The following HOXD11 variants were observed in gnomAD, a reference collection of about 807,000 sequenced individuals.
HOXD11 encodes homeobox protein Hox-D11.
In HOXD11, 16 loss-of-function variants were observed where a neutral mutation model predicts 23.1. The observed-to-expected ratio is 0.69, with a 90% confidence interval of 0.47 to 1.05. HOXD11 has a LOEUF of 1.05. HOXD11 is among the 50% of genes least tolerant of loss of function. The pLI, the probability that HOXD11 is intolerant of heterozygous loss-of-function variation, is 0.00. For synonymous variants in HOXD11, 262 were observed against 224.4 expected, an observed-to-expected ratio of 1.17 and a Z score of -1.50; for missense variants, 564 against 495.6, an observed-to-expected ratio of 1.14 and a Z score of -1.31.
Position 176,108,649 on chromosome 2 carries a change from G to C in HOXD11, c.782-258G>C, listed in dbSNP as rs1689624396. ...CCTTGCCCTCTGCTTCCCCACCTCC[G>C]TGCCAGGCTCTGTGTGTGTGTGTGT... On this transcript the variant is annotated intron_variant, in intron 1 of 1. Transcript: ENST00000249504. The C allele has an allele frequency of 6.9e-6, 3 of 433,318 alleles. No individual in the cohort carries two copies. In the East Asian group the frequency reaches 1.1e-4, roughly 16 times the overall value. 26.8% of individuals were successfully genotyped at this position (433,318 alleles called of 1,614,324 possible).
chr2:176,111,826 C>CCAAAAAAAAAAAAAAA (rs1689676380), downstream of HOXD11, among the ~76,000 whole-genome samples: 1 of 22,740 alleles, frequency 4.4e-5, no homozygotes, highest in Non-Finnish European at 7.5e-5. Flanking sequence ...CTCCCCCCCG[C>CCAAAAAAAAAAAAAAA]AAAAAAAAAA....
rs1268682986 is a variant in HOXD11 at position 176,109,282 on chromosome 2, C to A, written c.*140C>A. Reference sequence around the variant, plus strand: ...TCACGATTCCTTCCCACGGTCAACTCGGGACCTCCCAGCGACCACTGCAGC... The same window carrying A: ...TCACGATTCCTTCCCACGGTCAACTAGGGACCTCCCAGCGACCACTGCAGC... On this transcript the variant is annotated 3_prime_UTR_variant, in exon 2 of 2. Transcript: ENST00000249504. 4.6e-6 allele frequency: 3 copies of A among 645,614 alleles called. No individual in the cohort carries two copies. Among genetic ancestry groups the A allele is most frequent in the Non-Finnish European group, 8.2e-6 (3 of 364,658 alleles). The allele number at this position is 645,614 out of a possible 1,614,324, so 40.0% of individuals were successfully genotyped here.
downstream of HOXD11, chr2:176,111,588 A>C (rs1004101007): frequency 6.6e-6 from 1 of 151,252 alleles, no homozygotes; most frequent in Non-Finnish European, 1.5e-5. Flanking sequence ...AAACGGAGCA[A>C]CTAGATTCAC....
Position 176,109,451 on chromosome 2 carries a change from G to A in HOXD11, c.*309G>A. On this transcript the variant is annotated 3_prime_UTR_variant, in exon 2 of 2. Transcript: ENST00000249504. ...TCCTCGTGGGGACACGGCGGGGTCT[G>A]TAGGAAGTTGGGCCGGGTTGGGGGT... 1 of 345,694 alleles carries A rather than the reference G, an allele frequency of 2.9e-6. No individual in the cohort carries two copies. The highest frequency in any genetic ancestry group is 5.3e-6 in the Non-Finnish European group (1 of 188,344). 21.4% of individuals were successfully genotyped at this position (345,694 alleles called of 1,614,324 possible).
At chr2:176,113,394 C>T (rs1278337599), downstream of HOXD11, among the ~76,000 whole-genome samples, 1 of 152,232 alleles carries the variant, frequency 6.6e-6, no homozygotes, top group African/African-American at 2.4e-5. Context: ...CTGGAAAGAA[C>T]TGTGGCAGGG....
At position 176,107,581 on chromosome 2, in the gene HOXD11, C is replaced by CGCGGCG. The variant is rs762528392; in HGVS notation, c.241_246dup (p.Gly81_Gly82dup). ...CCTGGAGCGCGCCAAGTGGCCGTAC[C>CGCGGCG]GCGGCGGCGGCGGCGGCGGCAGCGC... On this transcript the variant is annotated inframe_insertion, in exon 1 of 2. Coordinates refer to ENST00000249504, the MANE Select transcript of HOXD11 (RefSeq NM_021192.3). The CGCGGCG allele has an allele frequency of 2.6e-5, 37 of 1,401,076 alleles. No individual in the cohort carries two copies. The highest frequency in any genetic ancestry group is 3.3e-5 in the Non-Finnish European group (35 of 1,053,584). 86.8% of individuals were successfully genotyped at this position (1,401,076 alleles called of 1,614,324 possible).
rs745350034 is a variant in HOXD11 at position 176,107,826 on chromosome 2, C to A, written c.471C>A (p.Pro157=). The A allele has an allele frequency of 2.8e-6, 4 of 1,424,064 alleles. No homozygotes were observed. Among genetic ancestry groups the A allele is most frequent in the South Asian group, 1.4e-5 (1 of 71,882 alleles). The allele number at this position is 1,424,064 out of a possible 1,614,324, so 88.2% of individuals were successfully genotyped here. The change falls in exon 1 of 2, where the codon CCC becomes CCA. Residue 157 remains proline (P), a synonymous_variant. Transcript: ENST00000249504. ...VCAAPGPPHG[P]AGAASNFYSA... ...CTGCGCCGGGGCCGCCGCACGGCCC[C>A]GCGGGCGCCGCCTCCAACTTCTACA...
At chr2:176,113,242 A>T (rs1689701972), downstream of HOXD11, among the ~76,000 whole-genome samples, 1 of 152,150 alleles carries the variant, frequency 6.6e-6, no homozygotes, top group Non-Finnish European at 1.5e-5. Flanking sequence ...TCAGAACCCT[A>T]ATCCGGGGTG....
rs766418166 is a variant in HOXD11 at position 176,107,554 on chromosome 2, G to A, written c.199G>A (p.Gly67Ser). ...GCGCGAAGTGGCCTTCCGCGACTACGGCCTGGAGCGCGCCAAGTGGCCGTA... is the reference window on the plus strand; with the variant it reads ...GCGCGAAGTGGCCTTCCGCGACTACAGCCTGGAGCGCGCCAAGTGGCCGTA... ...PVREVAFRDYGLERAKWPYRG... is the reference protein window; with the variant it reads ...PVREVAFRDYSLERAKWPYRG... The change falls in exon 1 of 2, where the codon GGC (glycine) becomes AGC (serine). Residue 67 changes from glycine to serine, a missense_variant. Gly to Ser is a moderately conservative substitution (Grantham distance 56). Coordinates refer to ENST00000249504, the MANE Select transcript of HOXD11 (RefSeq NM_021192.3). The A allele has an allele frequency of 3.1e-6, 5 of 1,596,620 alleles. 1 individual carries two copies. The South Asian group carries it at 5.6e-5, about 18-fold the overall frequency.
In HOXD11 at chr2:176,107,899, T is replaced by A; in HGVS notation, c.544T>A (p.Tyr182Asn). Residue 182 changes from tyrosine to asparagine, a missense_variant, in exon 1 of 2, where the codon TAC (tyrosine) becomes AAC (asparagine). Tyr to Asn is a moderately radical substitution (Grantham distance 143, BLOSUM62 -2). Coordinates refer to ENST00000249504, the MANE Select transcript of HOXD11 (RefSeq NM_021192.3). ...GILPQGFDQF[Y>N]EAAPGPPFAG... Reference sequence around the variant, plus strand: ...CTTGCCACAGGGCTTCGACCAGTTCTACGAGGCAGCGCCCGGGCCCCCGTT... The same window carrying A: ...CTTGCCACAGGGCTTCGACCAGTTCAACGAGGCAGCGCCCGGGCCCCCGTT... 1 of 1,445,808 alleles carries A rather than the reference T, an allele frequency of 6.9e-7. No homozygotes were observed. Among genetic ancestry groups the A allele is most frequent in the Non-Finnish European group, 9.1e-7 (1 of 1,097,620 alleles). 89.6% of individuals were successfully genotyped at this position (1,445,808 alleles called of 1,614,324 possible).
In HOXD11 at chr2:176,107,724, G is replaced by T. The variant is rs1210389231; in HGVS notation, c.369G>T (p.Ala123=). 3.3e-5 allele frequency: 38 copies of T among 1,151,342 alleles called. No individual in the cohort carries two copies. Among genetic ancestry groups the T allele is most frequent in the Non-Finnish European group, 4.0e-5 (38 of 939,726 alleles). The allele number at this position is 1,151,342 out of a possible 1,614,324, so 71.3% of individuals were successfully genotyped here. The change falls in exon 1 of 2, where the codon GCG becomes GCT. Residue 123 remains alanine (A), a synonymous_variant. Coordinates refer to ENST00000249504, the MANE Select transcript of HOXD11 (RefSeq NM_021192.3). Reference sequence around the variant, plus strand: ...CGGCGGCCGCGGCGGCCGAGGAGGCGGCCATGCAACGCGAGCTTCTCCCGC... The same window carrying T: ...CGGCGGCCGCGGCGGCCGAGGAGGCTGCCATGCAACGCGAGCTTCTCCCGC... ...AAAAAAAAEE[A]AMQRELLPPA...
At chr2:176,111,840 A>AAAAAAAAAAAC (rs1553518459), downstream of HOXD11, among the ~76,000 whole-genome samples, 107 of 140,832 alleles carry the variant, frequency 7.6e-4, 2 homozygotes, top group Non-Finnish European at 1.3e-3. Flanking sequence ...AAAAAAAAAA[A>AAAAAAAAAAAC]AAAAAAAAAC....
rs1412281594 is a variant in HOXD11, at chr2:176,108,887, C to T, written c.782-20C>T. The T allele has an allele frequency of 1.3e-6, 2 of 1,580,892 alleles. No homozygotes were observed. The highest frequency in any genetic ancestry group is 1.7e-6 in the Non-Finnish European group (2 of 1,150,246). On this transcript the variant is annotated intron_variant, in intron 1 of 1. Transcript: ENST00000249504. ...GTCAGGCAGCGGCCTCTCTCACCCC[C>T]TGGTCTCTTTGCCTTGCAGTTGCCC...
chr2:176,110,750 C>T (rs977956717), downstream of HOXD11, among the ~76,000 whole-genome samples: 1 of 152,204 alleles, frequency 6.6e-6, no homozygotes, highest in African/African-American at 2.4e-5. Flanking sequence ...CATTTATGAC[C>T]ACACAAAATC....
rs2105386938 is a variant in HOXD11 at position 176,107,408 on chromosome 2, G to A, written c.53G>A (p.Gly18Asp). 3.1e-6 allele frequency: 5 copies of A among 1,613,656 alleles called. No homozygotes were observed. Among genetic ancestry groups the A allele is most frequent in the Non-Finnish European group, 4.2e-6 (5 of 1,179,840 alleles). ...GQSAASMYLP[G>D]CAYYVAPSDF... ...AGCGCAGCCAGCATGTACCTGCCGG[G>A]CTGCGCCTACTATGTGGCCCCGTCT... The change falls in exon 1 of 2, where the codon GGC becomes GAC. Residue 18 changes from glycine (G) to aspartate (D), a missense_variant. By Grantham distance (94) the Gly-to-Asp change is moderately conservative. Transcript: ENST00000249504.
Position 176,108,923 on chromosome 2 carries a change from C to T in HOXD11, c.798C>T (p.Ser266=). Residue 266 remains serine, a synonymous_variant, in exon 2 of 2, where the codon TCC becomes TCT. Transcript: ENST00000249504. ...GCCTTGCAGTTGCCCCCCAGCGGTCCCGGAAAAAGCGCTGTCCCTATACCA... is the reference window on the plus strand; with the variant it reads ...GCCTTGCAGTTGCCCCCCAGCGGTCTCGGAAAAAGCGCTGTCCCTATACCA... ...KSSSAVAPQR[S]RKKRCPYTKY... 2.5e-6 allele frequency: 4 copies of T among 1,613,772 alleles called. No homozygotes were observed. Among genetic ancestry groups the T allele is most frequent in the South Asian group, 1.1e-5 (1 of 91,062 alleles).
chr2:176,112,935 G>C (rs540635512), downstream of HOXD11, among the ~76,000 whole-genome samples: 16 of 152,330 alleles, frequency 1.1e-4, 1 homozygote, highest in South Asian at 2.9e-3. Context: ...TGGGGCTTGC[G>C]GAGAGTGGCC....
In HOXD11 at chr2:176,107,653, G is replaced by T; in HGVS notation, c.298G>T (p.Ala100Ser). 3.1e-6 allele frequency: 3 copies of T among 977,492 alleles called. No individual in the cohort carries two copies. The highest frequency in any genetic ancestry group is 3.6e-6 in the Non-Finnish European group (3 of 824,746). The allele number at this position is 977,492 out of a possible 1,614,324, so 60.6% of individuals were successfully genotyped here. A position where few individuals can be genotyped will look rare whatever the true frequency, so the allele number is the denominator to read the frequency against. ...CGGCCCCGGCGGGGGCGGCGGCGGCGCGGGGGGCTACGCTCCCTACTACGC... is the reference window on the plus strand; with the variant it reads ...CGGCCCCGGCGGGGGCGGCGGCGGCTCGGGGGGCTACGCTCCCTACTACGC... ...GGGPGGGGGG[A>S]GGYAPYYAAA... The change falls in exon 1 of 2, where the codon GCG becomes TCG. Residue 100 changes from alanine to serine, a missense_variant. By Grantham distance (99) the Ala-to-Ser change is moderately conservative (BLOSUM62 1). Transcript: ENST00000249504.
chr2:176,107,834 C>G lies in HOXD11; in HGVS notation c.479C>G (p.Ala160Gly), dbSNP rs541864847. 6.0e-4 allele frequency: 854 copies of G among 1,430,662 alleles called. 6 individuals are homozygous for G. In the African/African-American group the frequency reaches 8.4e-3, roughly 14 times the overall value. The allele number at this position is 1,430,662 out of a possible 1,614,324, so 88.6% of individuals were successfully genotyped here. The change falls in exon 1 of 2, where the codon GCC (alanine) becomes GGC (glycine). Residue 160 changes from alanine to glycine, a missense_variant. Ala to Gly is a moderately conservative substitution (Grantham distance 60, BLOSUM62 0). Coordinates refer to ENST00000249504, the MANE Select transcript of HOXD11 (RefSeq NM_021192.3). ...GGGCCGCCGCACGGCCCCGCGGGCG[C>G]CGCCTCCAACTTCTACAGCGCGGTG... is the stretch of plus-strand genomic sequence containing the variant. ...APGPPHGPAG[A>G]ASNFYSAVGR...
Sources: allele counts gnomAD v4.1 joint callset (sites outside exome capture counted in the v4.1 genomes callset), GRCh38; gene constraint gnomAD v4.1.1; transcripts MANE v1.5; gene names NCBI Gene and HGNC (gene_info 2026-07-23, HGNC 2026-07-21).